The following PTPRJ variants were observed in gnomAD, a reference collection of about 807,000 sequenced individuals.
PTPRJ encodes protein tyrosine phosphatase receptor type J.
In PTPRJ, 129 loss-of-function variants were observed where a neutral mutation model predicts 141.3. The observed-to-expected ratio is 0.91, with a 90% confidence interval of 0.79 to 1.06. The LOEUF is 1.06. PTPRJ is among the 50% of genes least tolerant of loss of function. The pLI is 0.00. For synonymous variants in PTPRJ, 610 were observed against 640.5 expected (o/e 0.95, Z 0.72); for missense variants, 1,601 against 1,679.7 (o/e 0.95, Z 0.82).
intron 8 of PTPRJ, among the ~76,000 whole-genome samples, chr11:48,135,048 C>A (rs112099051): frequency 2.3e-4 from 35 of 152,046 alleles, no homozygotes; most frequent in African/African-American, 8.0e-4. Flanking sequence ...ATATACATAC[C>A]GAAAAGGGAT....
chr11:48,167,323 CGT>C lies in PTPRJ; in HGVS notation c.3977_3978del (p.Val1326AspfsTer17). The C allele has an allele frequency of 6.2e-7, 1 of 1,614,112 alleles. No individual in the cohort carries two copies. The highest frequency in any genetic ancestry group is 8.5e-7 in the Non-Finnish European group (1 of 1,179,996). ...TGACAATCTATGAAAACCTTGCGCCCGTGACCACATTTGGAAAGACCAATGGT... is the reference window on the plus strand; with the variant it reads ...TGACAATCTATGAAAACCTTGCGCCCGACCACATTTGGAAAGACCAATGGT... ...AMTIYENLAP[V>X]TTFGKTNGYI... is the part of the protein sequence containing the mutation. On this transcript the variant is annotated frameshift_variant, in exon 25 of 25. Transcript: ENST00000418331. LOFTEE classifies it high-confidence loss of function.
chr11:48,018,256 T>C (rs747044723), intron 1 of PTPRJ, among the ~76,000 whole-genome samples: 1 of 152,112 alleles, frequency 6.6e-6, no homozygotes, highest in Non-Finnish European at 1.5e-5. Flanking sequence ...ATGACTTCTT[T>C]TTTTTTTCTT....
intron 1 of PTPRJ, among the ~76,000 whole-genome samples, chr11:48,106,637 T>C (rs10734562): frequency 6.6e-6 from 1 of 151,948 alleles, no homozygotes; most frequent in East Asian, 1.9e-4. Context: ...TTGATGTGTA[T>C]GTACATGTAG....
At chr11:48,065,664 C>T (rs187964717) in intron 1 of PTPRJ, among the ~76,000 whole-genome samples, 74 of 152,160 alleles carry the variant, frequency 4.9e-4, no homozygotes, top group African/African-American at 1.5e-3. Flanking sequence ...TAGATGATAC[C>T]GAGGTAGACC....
chr11:48,000,231 C>A (rs369473129), intron 1 of PTPRJ, among the ~76,000 whole-genome samples: 1 of 150,088 alleles, frequency 6.7e-6, no homozygotes, highest in Non-Finnish European at 1.5e-5. Flanking sequence ...GCCTCAACTT[C>A]CTGGGCTCAA....
chr11:48,066,971 T>C (rs1380414314), intron 1 of PTPRJ, among the ~76,000 whole-genome samples: 1 of 152,202 alleles, frequency 6.6e-6, no homozygotes, highest in Non-Finnish European at 1.5e-5. Flanking sequence ...TGAGTCACGA[T>C]TAAATAATGA....
intron 2 of PTPRJ, 75 bp downstream of exon 2, chr11:48,110,151 C>A: frequency 1.4e-6 from 2 of 1,411,070 alleles, no homozygotes; most frequent in Non-Finnish European, 2.0e-6. Flanking sequence ...ACATTAACAG[C>A]AATGTGAAAT....
Position 48,153,808 on chromosome 11 carries a change from G to T in PTPRJ, c.3151G>T (p.Val1051Phe), listed in dbSNP as rs752712621. 1.8e-5 allele frequency: 29 copies of T among 1,611,920 alleles called. No individual in the cohort carries two copies. Among genetic ancestry groups the T allele is most frequent in the Non-Finnish European group, 2.0e-5 (23 of 1,178,186 alleles). The change falls in exon 19 of 25, where the codon GTT becomes TTT. Residue 1051 changes from valine to phenylalanine, a missense_variant. By Grantham distance (50) the Val-to-Phe change is conservative. Coordinates refer to ENST00000418331, the MANE Select transcript of PTPRJ (RefSeq NM_002843.4). ...GTTTTGTTTTCAGGATCTGAAGCTT[G>T]TTGGAATTAGTCAACCTAAATATGC... Reference protein sequence around the residue: ...FAEEYEDLKLVGISQPKYAAE... With the variant: ...FAEEYEDLKLFGISQPKYAAE...
chr11:48,055,348 G>A (rs1296085708), intron 1 of PTPRJ, among the ~76,000 whole-genome samples: 1 of 152,184 alleles, frequency 6.6e-6, no homozygotes, highest in Non-Finnish European at 1.5e-5. Flanking sequence ...ATGCCTGCAA[G>A]CATGGGAACT....
chr11:48,053,359 T>TA (rs1854648711), intron 1 of PTPRJ, among the ~76,000 whole-genome samples: 1 of 96,678 alleles, frequency 1.0e-5, no homozygotes, highest in Non-Finnish European at 1.8e-5. Context: ...TATAAATATA[T>TA]AAAAATATAA....
intron 1 of PTPRJ, among the ~76,000 whole-genome samples, chr11:48,027,065 C>T (rs576576209): frequency 1.1e-3 from 139 of 131,546 alleles, no homozygotes; most frequent in African/African-American, 3.8e-3. Flanking sequence ...ATTGCAGTGG[C>T]GCGATCTCAG....
intron 11 of PTPRJ, among the ~76,000 whole-genome samples, chr11:48,141,296 G>A (rs779167744): frequency 6.6e-6 from 1 of 152,058 alleles, no homozygotes; most frequent in Non-Finnish European, 1.5e-5. Context: ...TCTTTCTTTT[G>A]TGTTAGTTCA....
At chr11:47,991,284 A>G (rs1031691298) in intron 1 of PTPRJ, among the ~76,000 whole-genome samples, 1 of 152,134 alleles carries the variant, frequency 6.6e-6, no homozygotes, top group Non-Finnish European at 1.5e-5. Flanking sequence ...CCCTTAAAAA[A>G]AACAAAACAA....
At chr11:48,053,149 TAAATATATATTATATATATAA>T (rs1854619696) in intron 1 of PTPRJ, among the ~76,000 whole-genome samples, 1 of 108,938 alleles carries the variant, frequency 9.2e-6, no homozygotes, top group Non-Finnish European at 1.7e-5. Flanking sequence ...TATATAAAAA[TAAATATATATTATATATATAA>T]AAATATATAA....
chr11:48,132,583 A>G (rs1261555506), intron 8 of PTPRJ: 1 of 964,486 alleles, frequency 1.0e-6, no homozygotes, highest in African/African-American at 1.8e-5. Context: ...ATAAAGATAT[A>G]CCTAATGTAA....
intron 1 of PTPRJ, among the ~76,000 whole-genome samples, chr11:48,039,154 A>C (rs1854206588): frequency 6.6e-6 from 1 of 151,616 alleles, no homozygotes; most frequent in South Asian, 2.1e-4. Context: ...TGTCTCAAAA[A>C]AAAAAAAAAA....
rs1853880915 is a variant in PTPRJ, at chr11:47,980,840, G to A, written c.-73G>A. On this transcript the variant is annotated 5_prime_UTR_variant, in exon 1 of 25. Coordinates refer to ENST00000418331, the MANE Select transcript of PTPRJ (RefSeq NM_002843.4). ...GAAGGAGACGGCAGGAGGCGGCGAC[G>A]ACGGTGCCCGGGCTCGGGCGCACGG... is the stretch of plus-strand genomic sequence containing the variant. The A allele has an allele frequency of 1.0e-5, 11 of 1,064,594 alleles. No individual in the cohort carries two copies. The highest frequency in any genetic ancestry group is 1.2e-5 in the Non-Finnish European group (11 of 883,496). The allele number at this position is 1,064,594 out of a possible 1,614,324, so 65.9% of individuals were successfully genotyped here. A position where few individuals can be genotyped will look rare whatever the true frequency, so the allele number is the denominator to read the frequency against.
chr11:48,020,928 C>T (rs962020066), intron 1 of PTPRJ, among the ~76,000 whole-genome samples: 5 of 152,202 alleles, frequency 3.3e-5, no homozygotes, highest in African/African-American at 1.2e-4. Context: ...GAAAGAGATT[C>T]TCAGATGGAG....
In PTPRJ at chr11:47,980,957, C is replaced by G. The variant is rs1853885330; in HGVS notation, c.45C>G (p.Pro15=). The part of the protein sequence containing the change: ...AREARLPPRS[P]GLRWALPLLL... ...AGGCGCGGCTGCCTCCGCGCTCGCC[C>G]GGGCTGCGCTGGGCGCTGCCGCTGC... Residue 15 remains proline (P), a synonymous_variant, in exon 1 of 25, where the codon CCC becomes CCG. Coordinates refer to ENST00000418331, the MANE Select transcript of PTPRJ (RefSeq NM_002843.4). The G allele has an allele frequency of 8.7e-7, 1 of 1,144,900 alleles. No individual in the cohort carries two copies. The highest frequency in any genetic ancestry group is 3.9e-5 in the East Asian group (1 of 25,432). The allele number at this position is 1,144,900 out of a possible 1,614,324, so 70.9% of individuals were successfully genotyped here. A position where few individuals can be genotyped will look rare whatever the true frequency, so the allele number is the denominator to read the frequency against.
Sources: allele counts gnomAD v4.1 joint callset (sites outside exome capture counted in the v4.1 genomes callset), GRCh38; gene constraint gnomAD v4.1.1; transcripts MANE v1.5; gene names NCBI Gene and HGNC (gene_info 2026-07-23, HGNC 2026-07-21).